The following UBE2Q2 variants were observed in gnomAD, a reference collection of about 807,000 sequenced individuals.
UBE2Q2 encodes the protein ubiquitin conjugating enzyme E2 Q2.
Under a neutral mutation model 59.9 loss-of-function variants are expected in UBE2Q2, and 54 were observed. The ratio of observed to expected loss-of-function variants is 0.90; its 90% CI spans 0.72 to 1.13. UBE2Q2 has a LOEUF of 1.13. UBE2Q2 is among the 50% of genes most tolerant of loss of function. UBE2Q2 has a pLI of 0.00. For missense variants in UBE2Q2, 433 were observed against 441.9 expected, an observed-to-expected ratio of 0.98 and a Z score of 0.18; for synonymous variants, 165 against 155.2, an observed-to-expected ratio of 1.06 and a Z score of -0.47.
chr15:75,849,452 G>A (rs1188480269), intron 1 of UBE2Q2, among the ~76,000 whole-genome samples: 2 of 152,180 alleles, frequency 1.3e-5, no homozygotes, highest in Non-Finnish European at 2.9e-5. Flanking sequence ...TTGGTTGCTG[G>A]TGCTTGAGAT....
chr15:75,892,250 C>A (rs1899146956), intron 11 of UBE2Q2, among the ~76,000 whole-genome samples: 3 of 152,164 alleles, frequency 2.0e-5, no homozygotes, highest in Admixed American at 2.0e-4. Context: ...TGTAGGAAAG[C>A]ATCTCTAATT....
chr15:75,844,318 AT>A (rs1275800543), intron 1 of UBE2Q2: 1 of 1,548,684 alleles, frequency 6.5e-7, no homozygotes, highest in Non-Finnish European at 8.7e-7. Flanking sequence ...TGTTCAGCCA[AT>A]TGTTTTTAAG....
chr15:75,863,274 A>T (rs1252054992), intron 3 of UBE2Q2, among the ~76,000 whole-genome samples: 1 of 151,806 alleles, frequency 6.6e-6, no homozygotes, highest in African/African-American at 2.4e-5. Flanking sequence ...ACTATTTTCC[A>T]TTTACTGTCA....
At chr15:75,851,306 T>G (rs778988536) in intron 1 of UBE2Q2, among the ~76,000 whole-genome samples, 6 of 152,072 alleles carry the variant, frequency 3.9e-5, no homozygotes, top group Non-Finnish European at 7.4e-5. Context: ...TGCCTAGGCT[T>G]CTTTTTTGAT....
chr15:75,843,682 C>T lies in UBE2Q2; in HGVS notation c.16C>T (p.Leu6Phe). Residue 6 changes from leucine (L) to phenylalanine (F), a missense_variant, in exon 1 of 13, where the codon CTC (leucine) becomes TTC (phenylalanine). Physicochemically the swap from Leu to Phe is conservative, Grantham distance 22. Transcript: ENST00000267938. MSVSG[L>F]KAELKFLASI... is the part of the protein sequence containing the mutation. ...TGAGGGGAAGATGTCCGTGTCAGGG[C>T]TCAAGGCCGAGCTGAAGTTCCTGGC... The T allele has an allele frequency of 1.2e-6, 2 of 1,609,670 alleles. No individual in the cohort carries two copies. Among genetic ancestry groups the T allele is most frequent in the Non-Finnish European group, 1.7e-6 (2 of 1,178,230 alleles).
chr15:75,859,464 T>C (rs1260636412), intron 2 of UBE2Q2, among the ~76,000 whole-genome samples: 1 of 152,226 alleles, frequency 6.6e-6, no homozygotes, highest in Non-Finnish European at 1.5e-5. Flanking sequence ...TTGTAATCCA[T>C]CTGTAACAAC....
chr15:75,852,248 G>T (rs868181568), intron 1 of UBE2Q2, among the ~76,000 whole-genome samples: 1 of 152,250 alleles, frequency 6.6e-6, no homozygotes, highest in Non-Finnish European at 1.5e-5. Context: ...TGTGCATAGT[G>T]AAGAATACCA....
chr15:75,878,017 CA>C lies in UBE2Q2; in HGVS notation c.731del (p.Gln244ArgfsTer16). Reference protein sequence around the residue: ...DSLYDWHVKLQKVDPDSPLHS... With the variant: ...DSLYDWHVKLXKVDPDSPLHS... ...TTTATATGACTGGCATGTTAAACTG[CA>C]GAAGTAAGTGGCTTTTTAATGCTCA... On this transcript the variant is annotated frameshift_variant, in exon 7 of 13. Coordinates refer to ENST00000267938, the MANE Select transcript of UBE2Q2 (RefSeq NM_173469.4). LOFTEE classifies it high-confidence loss of function. 5 of 1,613,530 alleles carry C rather than the reference CA, an allele frequency of 3.1e-6. No individual in the cohort carries two copies. The highest frequency in any genetic ancestry group is 4.2e-6 in the Non-Finnish European group (5 of 1,179,694).
At position 75,843,698 on chromosome 15, in the gene UBE2Q2, A is replaced by G; in HGVS notation, c.32A>G (p.Lys11Arg). Reference sequence around the variant, plus strand: ...GTGTCAGGGCTCAAGGCCGAGCTGAAGTTCCTGGCGTCCATCTTCGACAAG... The same window carrying G: ...GTGTCAGGGCTCAAGGCCGAGCTGAGGTTCCTGGCGTCCATCTTCGACAAG... MSVSGLKAEL[K>R]FLASIFDKNH... The change falls in exon 1 of 13, where the codon AAG becomes AGG. Residue 11 changes from lysine (K) to arginine (R), a missense_variant. Transcript: ENST00000267938. The G allele has an allele frequency of 1.2e-6, 2 of 1,611,134 alleles. No homozygotes were observed. Among genetic ancestry groups the G allele is most frequent in the Non-Finnish European group, 1.7e-6 (2 of 1,178,840 alleles).
chr15:75,885,097 C>G (rs745994608), intron 9 of UBE2Q2, among the ~76,000 whole-genome samples: 1 of 152,020 alleles, frequency 6.6e-6, no homozygotes, highest in Non-Finnish European at 1.5e-5. Flanking sequence ...TCAAAATGTT[C>G]TGTAAGCACT....
In UBE2Q2 at chr15:75,891,029, A is replaced by G. The variant is rs767774952; in HGVS notation, c.1029+15A>G. ...GAGCAAATAAGGTACTTCTGTTAAG[A>G]ATTTTACATAAACCATAAGATACAT... On this transcript the variant is annotated intron_variant, in intron 11 of 12. Coordinates refer to ENST00000267938, the MANE Select transcript of UBE2Q2 (RefSeq NM_173469.4). The G allele has an allele frequency of 7.6e-6, 12 of 1,578,554 alleles. No homozygotes were observed. The South Asian group carries it at 1.2e-4, about 16-fold the overall frequency.
chr15:75,892,763 C>T (rs1325838749), intron 11 of UBE2Q2, among the ~76,000 whole-genome samples: 3 of 152,110 alleles, frequency 2.0e-5, no homozygotes, highest in African/African-American at 7.2e-5. Context: ...ATAGTCTCAG[C>T]TACTCAGGAG....
rs142519754 is a variant in UBE2Q2 at position 75,858,512 on chromosome 15, G to A, written c.283-1366G>A. On this transcript the variant is annotated intron_variant, in intron 2 of 12. Transcript: ENST00000267938. ...GCAAACTAGTAATTTTCTAAGACCT[G>A]TCCTTCTGAATGTCTCTTACTATTT... is the stretch of plus-strand genomic sequence containing the variant. Among the ~76,000 whole-genome samples, 283 of 152,050 alleles carry A rather than the reference G, an allele frequency of 1.9e-3. 2 individuals are homozygous for A. The highest frequency in any genetic ancestry group is 6.8e-3 in the African/African-American group (281 of 41,444).
At chr15:75,890,339 T>C in intron 9 of UBE2Q2, 96 bp from the exon 10 acceptor site, 1 of 860,940 alleles carries the variant, frequency 1.2e-6, no homozygotes, top group Non-Finnish European at 1.9e-6. Context: ...TTCTCATCCT[T>C]ACTTGTGTGC....
chr15:75,876,065 C>CA (rs33923600), intron 5 of UBE2Q2, 122 bp from the exon 6 acceptor site: 138,877 of 531,286 alleles, frequency 0.26, 5,142 homozygotes, highest in Non-Finnish European at 0.29. Context: ...ACTCCATCTC[C>CA]AAAAAAAAAA....
chr15:75,883,334 A>G (rs1898550790), intron 8 of UBE2Q2, 32 bp from the exon 9 acceptor site: 1 of 1,584,556 alleles, frequency 6.3e-7, no homozygotes, highest in African/African-American at 1.3e-5. Context: ...GATGTTCTTT[A>G]AATTAATTAA....
chr15:75,863,206 C>G (rs1897283406), intron 3 of UBE2Q2, among the ~76,000 whole-genome samples: 1 of 152,178 alleles, frequency 6.6e-6, no homozygotes, highest in Admixed American at 6.5e-5. Context: ...ATAAATTTGC[C>G]TTCTTGCTGT....
intron 9 of UBE2Q2, among the ~76,000 whole-genome samples, chr15:75,886,983 C>T (rs1255932821): frequency 1.3e-5 from 2 of 151,834 alleles, no homozygotes; most frequent in Non-Finnish European, 2.9e-5. Flanking sequence ...TAGTTTACCA[C>T]CTAGAATAGA....
chr15:75,860,815 C>CAGTA (rs1897170699), intron 3 of UBE2Q2, among the ~76,000 whole-genome samples: 1 of 152,172 alleles, frequency 6.6e-6, no homozygotes, highest in Non-Finnish European at 1.5e-5. Context: ...TGCTCTCCTA[C>CAGTA]AGTAGATCCA....
Sources: allele counts gnomAD v4.1 joint callset (sites outside exome capture counted in the v4.1 genomes callset), GRCh38; gene constraint gnomAD v4.1.1; transcripts MANE v1.5; gene names NCBI Gene and HGNC (gene_info 2026-07-23, HGNC 2026-07-21).